CREB3: variants seen among roughly 807,000 people sequenced by gnomAD.
CREB3 encodes the protein cAMP responsive element binding protein 3, also known as cyclic AMP-responsive element-binding protein 3.
Under a neutral mutation model 34.5 loss-of-function variants are expected in CREB3, and 29 were observed. The observed-to-expected ratio is 0.84, with a 90% CI of 0.63 to 1.15. The LOEUF is 1.15. CREB3 is among the 50% of genes most tolerant of loss of function. The pLI, the probability that CREB3 is intolerant of heterozygous loss-of-function variation, is 0.00. For missense variants in CREB3, 447 were observed against 443.4 expected (o/e 1.01, Z -0.07); for synonymous variants, 187 against 173.9 (o/e 1.08, Z -0.59).
At chr9:35,733,363 A>T (rs780281486) in intron 3 of CREB3, 33 bp from the exon 4 acceptor site, 8 of 1,609,580 alleles carry the variant, frequency 5.0e-6, no homozygotes, top group Non-Finnish European at 6.8e-6. Context: ...TGACATCCCC[A>T]TGCAACTGCC....
Position 35,736,785 on chromosome 9 carries a change from A to C in CREB3, c.*59A>C. The C allele has an allele frequency of 6.7e-7, 1 of 1,491,934 alleles. No homozygotes were observed. Among genetic ancestry groups the C allele is most frequent in the South Asian group, 1.2e-5 (1 of 81,710 alleles). The allele number at this position is 1,491,934 out of a possible 1,614,324, so 92.4% of individuals were successfully genotyped here. A position where few individuals can be genotyped will look rare whatever the true frequency, so the allele number is the denominator to read the frequency against. ...CTGGGGGGCTCCCCATCTGTGTCCA[A>C]ATAAAAAGCGGTGGGCAAGGGCTGG... On this transcript the variant is annotated 3_prime_UTR_variant, in exon 9 of 9. Transcript: ENST00000353704.
chr9:35,734,548 C>A (rs545280337), intron 4 of CREB3, among the ~76,000 whole-genome samples: 2 of 151,924 alleles, frequency 1.3e-5, no homozygotes, highest in African/African-American at 2.4e-5. Flanking sequence ...GTAAGTCCAA[C>A]GGATAGAAAT....
Position 35,733,217 on chromosome 9 carries a change from AGT to A in CREB3, c.282_283del (p.Ser94ArgfsTer4), listed in dbSNP as rs771382947. 1.2e-4 allele frequency: 187 copies of A among 1,613,982 alleles called. 1 individual carries two copies. The highest frequency in any genetic ancestry group is 1.5e-4 in the Non-Finnish European group (181 of 1,180,022). ...TATTCATACTTTCCCTTTTGCAGAGAGTGAGAGCTGTAGAAAAGAGGGGACCC... is the reference window on the plus strand; with the variant it reads ...TATTCATACTTTCCCTTTTGCAGAGAGAGAGCTGTAGAAAAGAGGGGACCC... ...PRETVSMDLE[S>X]ESCRKEGTQM... On this transcript the variant is annotated frameshift_variant, in exon 3 of 9. Transcript: ENST00000353704. LOFTEE classifies it high-confidence loss of function.
At position 35,735,323 on chromosome 9, in the gene CREB3, C is replaced by T. The variant is rs1826180045; in HGVS notation, c.560C>T (p.Ala187Val). 1 of 1,614,004 alleles carries T rather than the reference C, an allele frequency of 6.2e-7. No homozygotes were observed. The highest frequency in any genetic ancestry group is 1.6e-4 in the Middle Eastern group (1 of 6,062). ...TCCCCCAGGGTCTTGAAATACACAG[C>T]CCAGAATATGGAGCTTCAGAACAAA... Reference protein sequence around the residue: ...GLESRVLKYTAQNMELQNKVQ... With the variant: ...GLESRVLKYTVQNMELQNKVQ... Residue 187 changes from alanine (A) to valine (V), a missense_variant, in exon 6 of 9, where the codon GCC becomes GTC. Ala to Val is a moderately conservative substitution (Grantham distance 64, BLOSUM62 0). Coordinates refer to ENST00000353704, the MANE Select transcript of CREB3 (RefSeq NM_006368.5).
chr9:35,735,561 A>G (rs1826185184), intron 6 of CREB3, among the ~76,000 whole-genome samples, 187 bp downstream of exon 6: 1 of 152,216 alleles, frequency 6.6e-6, no homozygotes, highest in Non-Finnish European at 1.5e-5. Context: ...CAAGAAAAAG[A>G]AAGGGGGTAA....
chr9:35,733,507 C>T (rs1826134536), intron 4 of CREB3, 22 bp downstream of exon 4: 1 of 1,570,108 alleles, frequency 6.4e-7, no homozygotes, highest in African/African-American at 1.4e-5. Flanking sequence ...ATTGGTTGAA[C>T]AAAGGCTGAA....
rs751344559 is a variant in CREB3, at chr9:35,732,725, CT to C, written c.-46del. The C allele has an allele frequency of 4.4e-6, 7 of 1,578,256 alleles. No individual in the cohort carries two copies. In the South Asian group the frequency reaches 7.1e-5, roughly 16 times the overall value. On this transcript the variant is annotated 5_prime_UTR_variant, in exon 1 of 9. Coordinates refer to ENST00000353704, the MANE Select transcript of CREB3 (RefSeq NM_006368.5). The surrounding 1 kb of genome is among the most constrained non-coding windows in gnomAD (Gnocchi z 5.1). ...AGCTGGCCTGGGGCTCGTGTCTGGG[CT>C]TCGGACGTTGGGGCCCGGTGGCCCA...
chr9:35,736,059 A>G lies in CREB3; in HGVS notation c.623A>G (p.Asp208Gly). The change falls in exon 7 of 9, where the codon GAT becomes GGT. Residue 208 changes from aspartate (D) to glycine (G), a missense_variant. By Grantham distance (94) the Asp-to-Gly change is moderately conservative (BLOSUM62 -1). Transcript: ENST00000353704. The stretch of plus-strand genomic sequence containing the variant: ...CTCTCTTCCTCTAGGTCCCTTCTAG[A>G]TCAACTGAGGAAACTCCAGGCCATG... ...LLEEQNLSLL[D>G]QLRKLQAMVI... 3 of 1,613,762 alleles carry G rather than the reference A, an allele frequency of 1.9e-6. No homozygotes were observed. The highest frequency in any genetic ancestry group is 1.3e-5 in the African/African-American group (1 of 74,988).
intron 4 of CREB3, 109 bp downstream of exon 4, chr9:35,733,594 A>G (rs888763965): frequency 9.3e-6 from 7 of 748,924 alleles, no homozygotes; most frequent in Non-Finnish European, 1.4e-5. Flanking sequence ...GAGGTGAGAA[A>G]CTTAGTAGAT....
At position 35,736,409 on chromosome 9, in the gene CREB3, C is replaced by T. The variant is rs1264130901; in HGVS notation, c.799C>T (p.Arg267Cys). The T allele has an allele frequency of 3.7e-6, 6 of 1,613,904 alleles. No homozygotes were observed. The highest frequency in any genetic ancestry group is 1.3e-5 in the African/African-American group (1 of 74,942). ...CTCCTCAGTGTTGTCCCGCCAGCTT[C>T]GTGCCCTCCCCAGTGAGGACCCTTA... The part of the protein sequence containing the change: ...AEHGVLSRQL[R>C]ALPSEDPYQL... The change falls in exon 9 of 9, where the codon CGT becomes TGT. Residue 267 changes from arginine (R) to cysteine (C), a missense_variant. Arg to Cys is a radical substitution (Grantham distance 180). Coordinates refer to ENST00000353704, the MANE Select transcript of CREB3 (RefSeq NM_006368.5).
In CREB3 at chr9:35,735,232, G is replaced by A. The variant is rs1453516119; in HGVS notation, c.542+17G>A. ...AGAGAGCAGGTATGAAAGGGAGAGG[G>A]ACTCTGTTGTAAGTATTAGGTTTTT... On this transcript the variant is annotated intron_variant, in intron 5 of 8. Transcript: ENST00000353704. The A allele has an allele frequency of 3.1e-6, 5 of 1,612,412 alleles. No individual in the cohort carries two copies. The highest frequency in any genetic ancestry group is 4.2e-6 in the Non-Finnish European group (5 of 1,178,760).
intron 6 of CREB3, among the ~76,000 whole-genome samples, chr9:35,735,652 T>C (rs1826187623): frequency 6.6e-6 from 1 of 152,182 alleles, no homozygotes; most frequent in African/African-American, 2.4e-5. Context: ...GAAAGCATCC[T>C]AGGCAAGAGG....
rs183600592 is a variant in CREB3 at position 35,736,108 on chromosome 9, C to G, written c.672C>G (p.Thr224=). 7.7e-4 allele frequency: 1,240 copies of G among 1,613,170 alleles called. 2 individuals carry two copies. Among genetic ancestry groups the G allele is most frequent in the Admixed American group, 1.3e-3 (79 of 60,004 alleles). The part of the protein sequence containing the change: ...QAMVIEISNK[T]SSSSTCILVL... ...TGGTGATTGAGATATCAAACAAAAC[C>G]AGCAGCAGCAGCACCTGCATCTTGG... The change falls in exon 7 of 9, where the codon ACC becomes ACG. Residue 224 remains threonine, a synonymous_variant. Coordinates refer to ENST00000353704, the MANE Select transcript of CREB3 (RefSeq NM_006368.5).
In CREB3 at chr9:35,736,078, G is replaced by C; in HGVS notation, c.642G>C (p.Gln214His). 6.2e-7 allele frequency: 1 copy of C among 1,614,090 alleles called. No individual in the cohort carries two copies. The highest frequency in any genetic ancestry group is 8.5e-7 in the Non-Finnish European group (1 of 1,180,000). Residue 214 changes from glutamine to histidine, a missense_variant, in exon 7 of 9, where the codon CAG becomes CAC. By Grantham distance (24) the Gln-to-His change is conservative (BLOSUM62 0). Transcript: ENST00000353704. ...LSLLDQLRKL[Q>H]AMVIEISNKT... ...TTCTAGATCAACTGAGGAAACTCCA[G>C]GCCATGGTGATTGAGATATCAAACA...
Position 35,736,992 on chromosome 9 carries a change from G to T in CREB3, c.*266G>T. The T allele has an allele frequency of 1.0e-6, 1 of 979,434 alleles. No individual in the cohort carries two copies. The highest frequency in any genetic ancestry group is 1.5e-6 in the Non-Finnish European group (1 of 679,952). The allele number at this position is 979,434 out of a possible 1,614,324, so 60.7% of individuals were successfully genotyped here. A position where few individuals can be genotyped will look rare whatever the true frequency, so the allele number is the denominator to read the frequency against. On this transcript the variant is annotated 3_prime_UTR_variant, in exon 9 of 9. Coordinates refer to ENST00000353704, the MANE Select transcript of CREB3 (RefSeq NM_006368.5). ...CAGGTGAGGAAAGAAATAAATAAGT[G>T]ATTCTAATGCTGCCTAGGTCACCCT...
rs1280414825 is a variant in CREB3 at position 35,735,118 on chromosome 9, C to G, written c.445C>G (p.Gln149Glu). Residue 149 changes from glutamine to glutamate, a missense_variant, in exon 5 of 9, where the codon CAA becomes GAA. Gln to Glu is a conservative substitution (Grantham distance 29). Coordinates refer to ENST00000353704, the MANE Select transcript of CREB3 (RefSeq NM_006368.5). ...ETLPLTKTEEQILKRVRRKIR... is the reference protein window; with the variant it reads ...ETLPLTKTEEEILKRVRRKIR... Reference sequence around the variant, plus strand: ...CCCTGTTTCCTTTCAGACAGAGGAACAAATTCTGAAACGTGTGCGGAGGAA... The same window carrying G: ...CCCTGTTTCCTTTCAGACAGAGGAAGAAATTCTGAAACGTGTGCGGAGGAA... The G allele has an allele frequency of 3.1e-6, 5 of 1,599,482 alleles. No individual in the cohort carries two copies. The East Asian group carries it at 6.7e-5, about 21-fold the overall frequency.
At chr9:35,734,891 A>G (rs1262912147) in intron 4 of CREB3, among the ~76,000 whole-genome samples, 1 of 152,166 alleles carries the variant, frequency 6.6e-6, no homozygotes, top group Non-Finnish European at 1.5e-5. Context: ...CGTCGCCTGA[A>G]TACTGCCCGA....
intron 4 of CREB3, among the ~76,000 whole-genome samples, chr9:35,734,783 A>G (rs149659400): frequency 0.028 from 4,297 of 152,122 alleles, 86 homozygotes; most frequent in Non-Finnish European, 0.045. Context: ...AGTAGAGACA[A>G]GGTCTCACTA....
rs762711861 is a variant in CREB3, at chr9:35,736,278, G to A, written c.748G>A (p.Asp250Asn). ...CCTTGTACCTGCTATGTACTCCTCT[G>A]ACACAAGGGGGAGCCTGCCAGCTGA... ...LLLVPAMYSS[D>N]TRGSLPAEHG... The change falls in exon 8 of 9, where the codon GAC becomes AAC. Residue 250 changes from aspartate to asparagine, a missense_variant. Coordinates refer to ENST00000353704, the MANE Select transcript of CREB3 (RefSeq NM_006368.5). 12 of 1,613,986 alleles carry A rather than the reference G, an allele frequency of 7.4e-6. No individual in the cohort carries two copies. The South Asian group carries it at 1.2e-4, about 16-fold the overall frequency.
Sources: allele counts gnomAD v4.1 joint callset (sites outside exome capture counted in the v4.1 genomes callset), GRCh38; gene constraint gnomAD v4.1.1; non-coding constraint Gnocchi (gnomAD v3.1); transcripts MANE v1.5; gene names NCBI Gene and HGNC (gene_info 2026-07-23, HGNC 2026-07-21).